ADAMTS10: variants seen among roughly 807,000 people sequenced by gnomAD.
ADAMTS10 encodes the protein ADAM metallopeptidase with thrombospondin type 1 motif 10, also known as A disintegrin and metalloproteinase with thrombospondin motifs 10.
A neutral mutation model predicts 135.9 loss-of-function variants in ADAMTS10; 48 were observed. The ratio of observed to expected loss-of-function variants is 0.35; its 90% CI spans 0.28 to 0.45. The LOEUF (loss-of-function observed/expected upper bound fraction) is 0.45. Ranked by LOEUF, ADAMTS10 falls within the 20% of genes least tolerant of loss-of-function variation. The pLI, the probability that ADAMTS10 is intolerant of heterozygous loss-of-function variation, is 1.00. For synonymous variants in ADAMTS10, 621 were observed against 647.5 expected, an observed-to-expected ratio of 0.96 and a Z score of 0.62; for missense variants, 1,131 against 1,565.2, an observed-to-expected ratio of 0.72 and a Z score of 4.68.
At position 8,605,757 on chromosome 19, in the gene ADAMTS10, GC is replaced by G; in HGVS notation, c.-48del. On this transcript the variant is annotated 5_prime_UTR_variant, in exon 3 of 26. Coordinates refer to ENST00000597188, the MANE Select transcript of ADAMTS10 (RefSeq NM_030957.4). The surrounding 1 kb of genome is among the most constrained non-coding windows in gnomAD (Gnocchi z 7.7). ...CTCTCCCCAGCCCCGGCTGCCGGCA[GC>G]CCCCACAGTGCCGCCTCCCCTGTTC... 6.4e-7 allele frequency: 1 copy of G among 1,562,588 alleles called. No homozygotes were observed.
intron 12 of ADAMTS10, 99 bp from the exon 13 acceptor site, chr19:8,592,969 TC>T: frequency 8.8e-7 from 1 of 1,141,798 alleles, no homozygotes; most frequent in Non-Finnish European, 1.3e-6. Flanking sequence ...TCACTGCCGG[TC>T]CCAGAGCAGA....
At chr19:8,593,422 GTTGGTTCTCT>G (rs2042567404) in intron 12 of ADAMTS10, 1 of 159,978 alleles carries the variant, frequency 6.3e-6, no homozygotes, top group East Asian at 1.8e-4. Flanking sequence ...TTTTCCAGCT[GTTGGTTCTCT>G]TTGTTCCCCC....
intron 22 of ADAMTS10, 137 bp from the exon 23 acceptor site, chr19:8,585,797 C>A: frequency 1.1e-6 from 1 of 941,242 alleles, no homozygotes; most frequent in Admixed American, 2.2e-5. Context: ...CCTCCACATT[C>A]CACACTTGGG....
At position 8,580,862 on chromosome 19, in the gene ADAMTS10, G is replaced by A. The variant is rs1010802025; in HGVS notation, c.*31C>T. The A allele has an allele frequency of 4.5e-6, 7 of 1,547,652 alleles. No individual in the cohort carries two copies. The highest frequency in any genetic ancestry group is 5.3e-6 in the Non-Finnish European group (6 of 1,138,572). On this transcript the variant is annotated 3_prime_UTR_variant, in exon 26 of 26. Coordinates refer to ENST00000597188, the MANE Select transcript of ADAMTS10 (RefSeq NM_030957.4). ...CTGCAGGGCTGGCGGCGGAGACCCC[G>A]CCAGCTGTGGCTCCGGGTGCCGCGC...
At chr19:8,595,171 A>G (rs1451678212) in intron 12 of ADAMTS10, among the ~76,000 whole-genome samples, 1 of 152,134 alleles carries the variant, frequency 6.6e-6, no homozygotes, top group East Asian at 1.9e-4. Context: ...TGGTGGCTGA[A>G]GCAGGAAGCC....
intron 25 of ADAMTS10, among the ~76,000 whole-genome samples, chr19:8,584,172 A>T (rs1600092229): frequency 1.3e-5 from 2 of 151,052 alleles, no homozygotes; most frequent in East Asian, 3.8e-4. Flanking sequence ...AAAAAAAAAA[A>T]AAAAAGTAAA....
chr19:8,604,601 C>T (rs985801463), intron 4 of ADAMTS10, among the ~76,000 whole-genome samples: 20 of 151,764 alleles, frequency 1.3e-4, no homozygotes, highest in African/African-American at 4.6e-4. Context: ...CCCACCTCAG[C>T]CTCCTGAGTA....
chr19:8,591,698 C>T, intron 15 of ADAMTS10, 102 bp downstream of exon 15: 2 of 1,434,118 alleles, frequency 1.4e-6, no homozygotes, highest in South Asian at 1.2e-5. Flanking sequence ...CCTTGGCCTC[C>T]CAAAGTGTTG....
chr19:8,586,496 G>A, intron 20 of ADAMTS10, 26 bp from the exon 21 acceptor site: 3 of 1,613,242 alleles, frequency 1.9e-6, no homozygotes, highest in Non-Finnish European at 2.5e-6. Flanking sequence ...GGCAGCCAGT[G>A]GAAGGATCGC....
At chr19:8,585,435 C>T (rs1555736757) in intron 23 of ADAMTS10, 21 bp downstream of exon 23, 2 of 1,537,260 alleles carry the variant, frequency 1.3e-6, no homozygotes, top group Non-Finnish European at 1.8e-6. Context: ...CCAGTGGGCG[C>T]GAAGGAAGGG....
Position 8,596,017 on chromosome 19 carries a change from A to T in ADAMTS10, c.1337+56T>A. On this transcript the variant is annotated intron_variant, in intron 11 of 25. Transcript: ENST00000597188. This position sits in a 1 kb window ranked among gnomAD's most constrained non-coding sequence, Gnocchi z 7.2. ...CCCTGATTTCTATCGTCTCCCGTGT[A>T]CCCTGCCCCACCATGAGTGTGACCC... 1 of 1,613,788 alleles carries T rather than the reference A, an allele frequency of 6.2e-7. No homozygotes were observed. Among genetic ancestry groups the T allele is most frequent in the Non-Finnish European group, 8.5e-7 (1 of 1,179,840 alleles).
chr19:8,607,179 T>C (rs1214737783), intron 2 of ADAMTS10, among the ~76,000 whole-genome samples: 1 of 152,186 alleles, frequency 6.6e-6, no homozygotes, highest in Non-Finnish European at 1.5e-5. Flanking sequence ...TCCTGGGCCC[T>C]GTCTTTGGAT....
chr19:8,581,059 C>T, intron 25 of ADAMTS10, 57 bp from the exon 26 acceptor site: 1 of 1,262,754 alleles, frequency 7.9e-7, no homozygotes, highest in Non-Finnish European at 1.1e-6. Context: ...CCCCGCAGGG[C>T]TGCACACACG....
In ADAMTS10 at chr19:8,589,887, A is replaced by C. The variant is rs782247946; in HGVS notation, c.1900+2T>G. The C allele has an allele frequency of 1.2e-6, 2 of 1,613,014 alleles. No individual in the cohort carries two copies. Among genetic ancestry groups the C allele is most frequent in the Admixed American group, 3.3e-5 (2 of 59,962 alleles). ...CCACAGCCTTTGGAGTCCCACACTC[A>C]CCTCCCCGGTACGTTTTCCACTTGT... On this transcript the variant is annotated splice_donor_variant, in intron 16 of 25. Coordinates refer to ENST00000597188, the MANE Select transcript of ADAMTS10 (RefSeq NM_030957.4). LOFTEE classifies it high-confidence loss of function.
At chr19:8,581,099 C>T in intron 25 of ADAMTS10, 97 bp from the exon 26 acceptor site, 8 of 416,098 alleles carry the variant, frequency 1.9e-5, no homozygotes, top group South Asian at 3.2e-5. Context: ...CAGTGACTTT[C>T]TGTGCCTTGG....
At chr19:8,606,347 G>A (rs572774490) in intron 2 of ADAMTS10, among the ~76,000 whole-genome samples, 18 of 152,158 alleles carry the variant, frequency 1.2e-4, no homozygotes, top group Admixed American at 2.0e-4. Context: ...ACAAGCATGA[G>A]CCACTGCACC....
chr19:8,596,516 G>C lies in ADAMTS10; in HGVS notation c.1084+26C>G, dbSNP rs560608041. 1 of 1,613,804 alleles carries C rather than the reference G, an allele frequency of 6.2e-7. No individual in the cohort carries two copies. Among genetic ancestry groups the C allele is most frequent in the African/African-American group, 1.3e-5 (1 of 74,914 alleles). On this transcript the variant is annotated intron_variant, in intron 9 of 25. Coordinates refer to ENST00000597188, the MANE Select transcript of ADAMTS10 (RefSeq NM_030957.4). This position sits in a 1 kb window ranked among gnomAD's most constrained non-coding sequence, Gnocchi z 7.2. Reference sequence around the variant, plus strand: ...ACCCCAGCCCACTGCCTTCATAGGCGCCTGAAACCTACGGGGCTCGGGTAC... The same window carrying C: ...ACCCCAGCCCACTGCCTTCATAGGCCCCTGAAACCTACGGGGCTCGGGTAC...
Position 8,589,923 on chromosome 19 carries a change from A to G in ADAMTS10, c.1866T>C (p.Arg622=), listed in dbSNP as rs201044246. The part of the protein sequence containing the change: ...QCSEFDSIPF[R]GKFYKWKTYR... ...ACGTTTTCCACTTGTAGAATTTCCC[A>G]CGGAAAGGGATGCTGTCAAATTCAG... is the stretch of plus-strand genomic sequence containing the variant. The change falls in exon 16 of 26, where the codon CGT becomes CGC. Residue 622 remains arginine (R), a synonymous_variant. Transcript: ENST00000597188. 16 of 1,613,938 alleles carry G rather than the reference A, an allele frequency of 9.9e-6. No individual in the cohort carries two copies. In the African/African-American group the frequency reaches 1.5e-4, roughly 15 times the overall value.
chr19:8,596,732 CATGAATGA>C lies in ADAMTS10; in HGVS notation c.1041-155_1041-148del. The C allele has an allele frequency of 9.1e-7, 1 of 1,102,974 alleles. No homozygotes were observed. The highest frequency in any genetic ancestry group is 1.3e-6 in the Non-Finnish European group (1 of 762,962). 68.3% of individuals were successfully genotyped at this position (1,102,974 alleles called of 1,614,324 possible). ...AGCTGCATACAGGAGTGACTGACCACATGAATGAATGAATGCATGCATGCATGCATGAG... is the reference window on the plus strand; with the variant it reads ...AGCTGCATACAGGAGTGACTGACCACATGAATGCATGCATGCATGCATGAG... On this transcript the variant is annotated intron_variant, in intron 8 of 25. Coordinates refer to ENST00000597188, the MANE Select transcript of ADAMTS10 (RefSeq NM_030957.4). The surrounding 1 kb of genome is among the most constrained non-coding windows in gnomAD (Gnocchi z 7.2).
Sources: allele counts gnomAD v4.1 joint callset (sites outside exome capture counted in the v4.1 genomes callset), GRCh38; gene constraint gnomAD v4.1.1; non-coding constraint Gnocchi (gnomAD v3.1); transcripts MANE v1.5; gene names NCBI Gene and HGNC (gene_info 2026-07-23, HGNC 2026-07-21).